Variants in KCNN3 observed in about 807,000 individuals in gnomAD.
KCNN3 encodes potassium calcium-activated channel subfamily N member 3.
KCNN3 carries 16 observed loss-of-function variants against 62.9 expected under a neutral mutation model. The observed-to-expected ratio is 0.25, with a 90% CI of 0.17 to 0.39. KCNN3 has a LOEUF of 0.39. KCNN3 is among the 10% of genes least tolerant of loss of function. The pLI is 1.00. For missense variants in KCNN3, 599 were observed against 949.4 expected (o/e 0.63, Z 4.85); for synonymous variants, 370 against 389.2 (o/e 0.95, Z 0.58).
intron 2 of KCNN3, among the ~76,000 whole-genome samples, chr1:154,781,943 A>G (rs1036067603): frequency 3.3e-5 from 5 of 152,186 alleles, no homozygotes; most frequent in Non-Finnish European, 5.9e-5. Flanking sequence ...GAAATGAGAG[A>G]AGTCCCAGAC....
In KCNN3 at chr1:154,768,391, C is replaced by T. The variant is rs563494929; in HGVS notation, c.1448+3584G>A. Reference sequence around the variant, plus strand: ...AGAAGTGCTTTGCCTGTTTAGGAAACAATATATTAACGGGGCAGATTCCTG... The same window carrying T: ...AGAAGTGCTTTGCCTGTTTAGGAAATAATATATTAACGGGGCAGATTCCTG... On this transcript the variant is annotated intron_variant, in intron 3 of 7. Transcript: ENST00000271915. Among the ~76,000 whole-genome samples the T allele has an allele frequency of 1.1e-4, 17 of 152,302 alleles. No individual in the cohort carries two copies. In the South Asian group the frequency reaches 3.5e-3, roughly 32 times the overall value.
chr1:154,807,350 G>A (rs1650216685), intron 2 of KCNN3, among the ~76,000 whole-genome samples: 1 of 152,184 alleles, frequency 6.6e-6, no homozygotes, highest in Non-Finnish European at 1.5e-5. Flanking sequence ...AGCGCCAGCT[G>A]CTCCTTCCCA....
intron 3 of KCNN3, among the ~76,000 whole-genome samples, chr1:154,758,225 T>C (rs1647823803): frequency 6.6e-6 from 1 of 152,344 alleles, no homozygotes; most frequent in Non-Finnish European, 1.5e-5. Context: ...TGCATGACTC[T>C]GGTCAGGTTA....
At chr1:154,854,183 C>T (rs1232747661) in intron 1 of KCNN3, among the ~76,000 whole-genome samples, 3 of 151,908 alleles carry the variant, frequency 2.0e-5, no homozygotes, top group Non-Finnish European at 2.9e-5. Context: ...TGCAGTGAGC[C>T]GAGATTGGGC....
At chr1:154,860,871 G>T (rs547050006) in intron 1 of KCNN3, among the ~76,000 whole-genome samples, 2 of 152,012 alleles carry the variant, frequency 1.3e-5, no homozygotes, top group South Asian at 4.2e-4. Context: ...GCCAGTAGTT[G>T]TGATTCCCTC....
intron 3 of KCNN3, among the ~76,000 whole-genome samples, chr1:154,760,796 C>T (rs545059593): frequency 6.6e-6 from 1 of 152,330 alleles, no homozygotes; most frequent in African/African-American, 2.4e-5. Context: ...GCCCGCACGC[C>T]GGCTCGGGCG....
chr1:154,783,964 A>C (rs899167648), intron 2 of KCNN3, among the ~76,000 whole-genome samples: 2 of 152,136 alleles, frequency 1.3e-5, no homozygotes, highest in Non-Finnish European at 2.9e-5. Context: ...AGGGTGCCTA[A>C]AGCGGTTACT....
At chr1:154,754,880 C>T (rs1647563403) in intron 3 of KCNN3, among the ~76,000 whole-genome samples, 1 of 152,132 alleles carries the variant, frequency 6.6e-6, no homozygotes, top group South Asian at 2.1e-4. Flanking sequence ...AAAGAAGACA[C>T]AAACAGAGAA....
At chr1:154,863,164 C>T (rs1254096691) in intron 1 of KCNN3, among the ~76,000 whole-genome samples, 1 of 152,206 alleles carries the variant, frequency 6.6e-6, no homozygotes, top group Non-Finnish European at 1.5e-5. Context: ...GTCCCTGCCC[C>T]CAGCTGCTCC....
intron 4 of KCNN3, among the ~76,000 whole-genome samples, chr1:154,729,223 G>A (rs910428722): frequency 5.3e-5 from 8 of 152,148 alleles, no homozygotes; most frequent in African/African-American, 1.9e-4. Flanking sequence ...CAGACTGGGG[G>A]GAAGAGCCAT....
intron 1 of KCNN3, chr1:154,859,927 T>A: frequency 7.2e-6 from 8 of 1,107,934 alleles, no homozygotes; most frequent in Non-Finnish European, 1.0e-5. Flanking sequence ...CCAATTTGCA[T>A]ATTATTTCAC....
chr1:154,768,881 T>C (rs56033137), intron 3 of KCNN3, among the ~76,000 whole-genome samples: 58,664 of 151,944 alleles, frequency 0.39, 11,865 homozygotes, highest in Middle Eastern at 0.52. Flanking sequence ...ATTCACATGT[T>C]AGTCTCAGTG....
chr1:154,812,006 T>C (rs1261593451), intron 2 of KCNN3, among the ~76,000 whole-genome samples: 2 of 152,220 alleles, frequency 1.3e-5, no homozygotes, highest in African/African-American at 2.4e-5. Context: ...GCCATGTTTC[T>C]TAATAAGAGT....
At chr1:154,727,275 T>C (rs1344928330) in intron 4 of KCNN3, among the ~76,000 whole-genome samples, 3 of 152,250 alleles carry the variant, frequency 2.0e-5, no homozygotes, top group Non-Finnish European at 4.4e-5. Flanking sequence ...GAACCCAGTC[T>C]AGCAGTTGAG....
At chr1:154,728,616 A>G (rs1263315422) in intron 4 of KCNN3, among the ~76,000 whole-genome samples, 1 of 151,860 alleles carries the variant, frequency 6.6e-6, no homozygotes, top group Non-Finnish European at 1.5e-5. Context: ...ACAATAGAAC[A>G]GGAGGGGAGG....
At chr1:154,823,170 T>A (rs1231948449) in intron 1 of KCNN3, among the ~76,000 whole-genome samples, 1 of 152,184 alleles carries the variant, frequency 6.6e-6, no homozygotes, top group African/African-American at 2.4e-5. Flanking sequence ...AATCAGGGTG[T>A]CTGGGTTGGA....
rs190457738 is a variant in KCNN3 at position 154,746,241 on chromosome 1, C to T, written c.1449-13097G>A. Among the ~76,000 whole-genome samples, 29 of 152,254 alleles carry T rather than the reference C, an allele frequency of 1.9e-4. No homozygotes were observed. In the East Asian group the frequency reaches 4.8e-3, roughly 25 times the overall value. On this transcript the variant is annotated intron_variant, in intron 3 of 7. Coordinates refer to ENST00000271915, the MANE Select transcript of KCNN3 (RefSeq NM_002249.6). Reference sequence around the variant, plus strand: ...GCAACACCAAGGCAAAAAAGGGCCGCGTTACAATGGAGACAAGTGATGCCA... The same window carrying T: ...GCAACACCAAGGCAAAAAAGGGCCGTGTTACAATGGAGACAAGTGATGCCA...
intron 1 of KCNN3, 94 bp downstream of exon 1, chr1:154,868,916 CTCTCTCTCTCTCTCTCTCTCAA>C: frequency 1.9e-6 from 2 of 1,039,050 alleles, no homozygotes; most frequent in Non-Finnish European, 3.0e-6. Flanking sequence ...CTCTCTCTCT[CTCTCTCTCTCTCTCTCTCTCAA>C]TCTCTCTCTC....
chr1:154,778,611 C>CTTTTTT (rs11459390), intron 2 of KCNN3, among the ~76,000 whole-genome samples: 29 of 73,600 alleles, frequency 3.9e-4, no homozygotes, highest in Admixed American at 6.3e-4. Flanking sequence ...CTCTCTGTCT[C>CTTTTTT]TTTTTTTTTT....
Sources: gnomAD v4.1 joint callset for allele counts (sites outside exome capture counted in the v4.1 genomes callset) on GRCh38, gnomAD v4.1.1 for gene constraint, MANE v1.5 for transcripts, NCBI Gene and HGNC (gene_info 2026-07-23, HGNC 2026-07-21) for gene names.